The following SHANK2 variants were observed in gnomAD, a reference collection of about 807,000 sequenced individuals.
The protein encoded by SHANK2 is SH3 and multiple ankyrin repeat domains 2.
In SHANK2, 43 loss-of-function variants were observed where a neutral mutation model predicts 133.7. The observed-to-expected ratio is 0.32, with a 90% CI of 0.25 to 0.41. The LOEUF (loss-of-function observed/expected upper bound fraction) is 0.41. SHANK2 is among the 10% of genes least tolerant of loss of function. SHANK2 has a pLI of 1.00. For missense variants in SHANK2, 1,994 were observed against 2,235.8 expected, an observed-to-expected ratio of 0.89 and a Z score of 2.18; for synonymous variants, 1,017 against 952.8, an observed-to-expected ratio of 1.07 and a Z score of -1.24.
chr11:70,744,975 G>A (rs1555035657), intron 14 of SHANK2, among the ~76,000 whole-genome samples: 1 of 152,236 alleles, frequency 6.6e-6, no homozygotes, highest in African/African-American at 2.4e-5. Context: ...GAAGGCACAA[G>A]AGGACAGACA....
intron 17 of SHANK2, among the ~76,000 whole-genome samples, chr11:70,561,024 C>T (rs2059903316): frequency 6.6e-6 from 1 of 152,250 alleles, no homozygotes; most frequent in African/African-American, 2.4e-5. Flanking sequence ...CCCACACACA[C>T]ACGAAGAACG....
intron 14 of SHANK2, among the ~76,000 whole-genome samples, chr11:70,709,301 A>G (rs1945729933): frequency 6.6e-6 from 1 of 152,246 alleles, no homozygotes; most frequent in Non-Finnish European, 1.5e-5. Flanking sequence ...GAGCTGAGTC[A>G]CATCAGCTAA....
intron 11 of SHANK2, among the ~76,000 whole-genome samples, chr11:70,831,744 C>A (rs75387216): frequency 0.021 from 3,169 of 152,382 alleles, 55 homozygotes; most frequent in Non-Finnish European, 0.029. Flanking sequence ...TATAAACATG[C>A]CAGCAAGACT....
intron 2 of SHANK2, among the ~76,000 whole-genome samples, chr11:71,147,678 G>T (rs1952684056): frequency 6.6e-6 from 1 of 152,232 alleles, no homozygotes; most frequent in South Asian, 2.1e-4. Flanking sequence ...CAAAGATGAT[G>T]CAGAGGGCCA....
intron 1 of SHANK2, among the ~76,000 whole-genome samples, chr11:71,251,633 C>A (rs1948182843): frequency 6.6e-6 from 1 of 151,336 alleles, no homozygotes; most frequent in Admixed American, 6.6e-5. Flanking sequence ...GTGCCAGCTT[C>A]CTGCATAATT....
intron 2 of SHANK2, among the ~76,000 whole-genome samples, chr11:71,182,987 G>C (rs1953589825): frequency 6.6e-6 from 1 of 152,188 alleles, no homozygotes; most frequent in Admixed American, 6.5e-5. Flanking sequence ...CTACTGGTGT[G>C]AGTAATAAAC....
intron 2 of SHANK2, among the ~76,000 whole-genome samples, chr11:71,177,995 T>C (rs1340291884): frequency 3.3e-5 from 5 of 152,194 alleles, no homozygotes; most frequent in African/African-American, 7.2e-5. Context: ...GTAAATGGCG[T>C]GGCCACTATG....
intron 17 of SHANK2, among the ~76,000 whole-genome samples, chr11:70,632,597 A>C (rs1176309018): frequency 1.3e-5 from 2 of 151,890 alleles, no homozygotes; most frequent in Non-Finnish European, 2.9e-5. Flanking sequence ...TCATCTCCCC[A>C]CATACCATTT....
chr11:70,474,945 A>T (rs1555149862), intron 25 of SHANK2: 1 of 152,418 alleles, frequency 6.6e-6, no homozygotes, highest in Non-Finnish European at 1.5e-5. Flanking sequence ...TGAGGAGTGC[A>T]CTGGTGTGAC....
At chr11:71,100,340 C>T (rs545314413) in intron 6 of SHANK2, among the ~76,000 whole-genome samples, 33 of 152,328 alleles carry the variant, frequency 2.2e-4, no homozygotes, top group African/African-American at 6.3e-4. Context: ...CTTTATTCAT[C>T]GTTGCCAAAA....
chr11:70,776,165 C>T (rs1555043869), intron 14 of SHANK2, among the ~76,000 whole-genome samples: 1 of 152,232 alleles, frequency 6.6e-6, no homozygotes, highest in Non-Finnish European at 1.5e-5. Context: ...GTACTGGGAG[C>T]AGCCCATTCC....
chr11:70,678,689 T>C (rs1944959187), intron 15 of SHANK2, among the ~76,000 whole-genome samples: 1 of 151,884 alleles, frequency 6.6e-6, no homozygotes, highest in South Asian at 2.1e-4. Flanking sequence ...ACTATAGGTG[T>C]GCACCACCAC....
At chr11:70,503,478 TG>T (rs1254681748) in intron 17 of SHANK2, among the ~76,000 whole-genome samples, 1 of 152,148 alleles carries the variant, frequency 6.6e-6, no homozygotes, top group Non-Finnish European at 1.5e-5. Flanking sequence ...TCCAGAGGCC[TG>T]GGAAGGCAGA....
chr11:71,224,068 G>A (rs1023351589), intron 2 of SHANK2, among the ~76,000 whole-genome samples: 3 of 152,260 alleles, frequency 2.0e-5, no homozygotes, highest in Admixed American at 6.5e-5. Context: ...CCACGTGACC[G>A]TGACCAAGTA....
At chr11:70,629,439 CTGA>C (rs2060950354) in intron 17 of SHANK2, among the ~76,000 whole-genome samples, 1 of 152,192 alleles carries the variant, frequency 6.6e-6, no homozygotes, top group Non-Finnish European at 1.5e-5. Context: ...GTCTCCAGGC[CTGA>C]TGGAGTGGGA....
chr11:70,686,100 C>T (rs1017510477), intron 15 of SHANK2, among the ~76,000 whole-genome samples: 7 of 140,842 alleles, frequency 5.0e-5, no homozygotes, highest in Non-Finnish European at 7.7e-5. Flanking sequence ...TCCATCTATC[C>T]ATCACCCATC....
At chr11:71,127,658 C>T (rs1235136063) in intron 3 of SHANK2, among the ~76,000 whole-genome samples, 2 of 152,116 alleles carry the variant, frequency 1.3e-5, no homozygotes, top group African/African-American at 4.8e-5. Flanking sequence ...ATATACACTG[C>T]TTTTTTAGAC....
chr11:71,156,110 C>A (rs1327572647), intron 2 of SHANK2, among the ~76,000 whole-genome samples: 10 of 152,132 alleles, frequency 6.6e-5, no homozygotes, highest in Admixed American at 3.3e-4. Context: ...CTCAGGAGGA[C>A]CCAGCCCTGC....
At chr11:70,944,877 A>AT (rs1172077367) in intron 10 of SHANK2, among the ~76,000 whole-genome samples, 3 of 152,052 alleles carry the variant, frequency 2.0e-5, no homozygotes, top group Admixed American at 2.0e-4. Flanking sequence ...CTGCTATGCC[A>AT]TTTTTTTGCA....
Sources: gnomAD v4.1 joint callset for allele counts (sites outside exome capture counted in the v4.1 genomes callset) on GRCh38, gnomAD v4.1.1 for gene constraint, MANE v1.5 for transcripts, NCBI Gene and HGNC (gene_info 2026-07-23, HGNC 2026-07-21) for gene names.